The following INSR variants were observed in gnomAD, a reference collection of about 807,000 sequenced individuals.
INSR encodes insulin receptor.
INSR carries 67 observed loss-of-function variants against 142.6 expected under a neutral mutation model. The ratio of observed to expected loss-of-function variants is 0.47; its 90% confidence interval spans 0.39 to 0.58. INSR has a LOEUF of 0.58. Among genes scored for constraint, INSR ranks in the 20% least tolerant of loss-of-function variants. INSR has a pLI of 0.00. For missense variants in INSR, 1,248 were observed against 1,833.2 expected (o/e 0.68, Z 5.83); for synonymous variants, 756 against 743.1 (o/e 1.02, Z -0.28).
At position 7,269,376 on chromosome 19, in the gene INSR, AACACACACACACACACACACACACACAC is replaced by A. The variant is rs60776874; in HGVS notation, c.101-1508_101-1481del. Among the ~76,000 whole-genome samples, 381 of 134,784 alleles carry A rather than the reference AACACACACACACACACACACACACACAC, an allele frequency of 2.8e-3. 1 individual carries two copies. The highest frequency in any genetic ancestry group is 4.9e-3 in the Non-Finnish European group (309 of 63,262). 88.4% of individuals were successfully genotyped at this position (134,784 alleles called of 152,430 possible). On this transcript the variant is annotated intron_variant, in intron 1 of 21. Transcript: ENST00000302850. ...CAAATGGATTAGGCTAAGTCGAGAA[AACACACACACACACACACACACACACAC>A]ACACACACACACACACACACACTTG... is the stretch of plus-strand genomic sequence containing the variant.
chr19:7,198,732 T>C (rs1974864513), intron 2 of INSR, among the ~76,000 whole-genome samples: 1 of 152,194 alleles, frequency 6.6e-6, no homozygotes, highest in Non-Finnish European at 1.5e-5. Flanking sequence ...ACCATACTCA[T>C]AAATACATTC....
chr19:7,186,938 C>T (rs1308658471), intron 2 of INSR, among the ~76,000 whole-genome samples: 1 of 151,536 alleles, frequency 6.6e-6, no homozygotes, highest in Non-Finnish European at 1.5e-5. Flanking sequence ...CTCCTAACCT[C>T]GTGATCCTCC....
At chr19:7,213,341 C>CAAAAAA (rs11343255) in intron 2 of INSR, among the ~76,000 whole-genome samples, 32 of 100,492 alleles carry the variant, frequency 3.2e-4, no homozygotes, top group Non-Finnish European at 4.7e-4. Flanking sequence ...GACTCCATCT[C>CAAAAAA]AAAAAAAAAA....
chr19:7,136,121 C>T (rs948713784), intron 13 of INSR, among the ~76,000 whole-genome samples: 7 of 152,024 alleles, frequency 4.6e-5, no homozygotes, highest in Admixed American at 2.0e-4. Context: ...TTGCCACGCT[C>T]GTGGGCATGA....
intron 6 of INSR, among the ~76,000 whole-genome samples, chr19:7,169,859 A>G (rs983425384): frequency 1.3e-5 from 2 of 152,148 alleles, no homozygotes; most frequent in South Asian, 4.1e-4. Flanking sequence ...CATAGTGATA[A>G]TATTAATAAA....
intron 2 of INSR, among the ~76,000 whole-genome samples, chr19:7,250,094 G>A (rs1479810685): frequency 6.6e-6 from 1 of 151,912 alleles, no homozygotes; most frequent in Admixed American, 6.6e-5. Flanking sequence ...AGGAGTTCCA[G>A]ACTGCTGTTA....
chr19:7,263,930 G>A lies in INSR; in HGVS notation c.652+3415C>T, dbSNP rs150842118. 1.3e-3 allele frequency among the ~76,000 whole-genome samples: 191 copies of A among 152,296 alleles called. 5 individuals carry two copies. In the East Asian group the frequency reaches 0.034, roughly 28 times the overall value. On this transcript the variant is annotated intron_variant, in intron 2 of 21. Transcript: ENST00000302850. Reference sequence around the variant, plus strand: ...CACCCCTGTAATCCCAGCACTTTGGGAGGCCAAGGCGGGCAGATCACCTGA... The same window carrying A: ...CACCCCTGTAATCCCAGCACTTTGGAAGGCCAAGGCGGGCAGATCACCTGA...
intron 2 of INSR, among the ~76,000 whole-genome samples, chr19:7,187,999 T>G (rs182244589): frequency 3.3e-5 from 5 of 152,056 alleles, no homozygotes; most frequent in Admixed American, 2.0e-4. Flanking sequence ...GCTAAATTCT[T>G]CTCCCAGGCT....
chr19:7,120,017 C>T (rs747859692), intron 20 of INSR, among the ~76,000 whole-genome samples: 4 of 152,166 alleles, frequency 2.6e-5, no homozygotes, highest in Non-Finnish European at 5.9e-5. Flanking sequence ...TTTGGGGCTC[C>T]CAAATCACTA....
In INSR at chr19:7,216,039, C is replaced by T. The variant is rs912861006; in HGVS notation, c.653-31402G>A. ...GGAAAAGTGGCTAAGAAGATGGAAG[C>T]AGGCTGGGCACGGTGGCTCACGCCT... On this transcript the variant is annotated intron_variant, in intron 2 of 21. Transcript: ENST00000302850. The surrounding 1 kb of genome is among the most constrained non-coding windows in gnomAD (Gnocchi z 4.2). Among the ~76,000 whole-genome samples, 1 of 151,904 alleles carries T rather than the reference C, an allele frequency of 6.6e-6. No individual in the cohort carries two copies. Among genetic ancestry groups the T allele is most frequent in the Admixed American group, 6.6e-5 (1 of 15,244 alleles).
intron 10 of INSR, chr19:7,152,067 C>T (rs1178948686): frequency 6.6e-6 from 1 of 152,660 alleles, no homozygotes; most frequent in African/African-American, 2.4e-5. Context: ...GCTGGGACCA[C>T]AGGCTTACAC....
chr19:7,264,868 C>T (rs550100325), intron 2 of INSR, among the ~76,000 whole-genome samples: 7 of 152,208 alleles, frequency 4.6e-5, no homozygotes, highest in Non-Finnish European at 1.0e-4. Flanking sequence ...ATCCCACTCC[C>T]GATTTCCAAC....
chr19:7,151,160 TTC>T (rs377580247), intron 10 of INSR, among the ~76,000 whole-genome samples: 322 of 7,234 alleles, frequency 0.045, 6 homozygotes, highest in African/African-American at 0.052. Flanking sequence ...CTTTCTTTCT[TTC>T]TCTTTCTTTC....
chr19:7,121,757 G>A (rs139874983), intron 19 of INSR, among the ~76,000 whole-genome samples: 15 of 152,308 alleles, frequency 9.8e-5, no homozygotes, highest in Middle Eastern at 3.4e-3. Context: ...CGGGACCCCC[G>A]GTCCTACAAA....
chr19:7,221,378 A>AAGGAGGAGG (rs71177175), intron 2 of INSR, among the ~76,000 whole-genome samples: 1,565 of 140,140 alleles, frequency 0.011, 16 homozygotes, highest in Non-Finnish European at 0.015. Flanking sequence ...TGTCAAAAAA[A>AAGGAGGAGG]AGGAGGAGGA....
At chr19:7,139,969 A>G (rs994380540) in intron 13 of INSR, among the ~76,000 whole-genome samples, 6 of 151,888 alleles carry the variant, frequency 4.0e-5, no homozygotes, top group Non-Finnish European at 7.4e-5. Context: ...CTGGGATTAT[A>G]GGCGCCCACC....
At chr19:7,197,063 C>G (rs1387505883) in intron 2 of INSR, among the ~76,000 whole-genome samples, 2 of 152,158 alleles carry the variant, frequency 1.3e-5, no homozygotes, top group African/African-American at 4.8e-5. Flanking sequence ...GGCAAAGGGG[C>G]AGGGGTTGGG....
At chr19:7,135,511 T>C (rs1228186692) in intron 13 of INSR, among the ~76,000 whole-genome samples, 1 of 143,584 alleles carries the variant, frequency 7.0e-6, no homozygotes, top group Non-Finnish European at 1.5e-5. Flanking sequence ...AGACTCTGTT[T>C]GAAAAAAAAA....
intron 11 of INSR, among the ~76,000 whole-genome samples, chr19:7,149,046 G>A (rs576905525): frequency 6.6e-6 from 1 of 152,270 alleles, no homozygotes; most frequent in African/African-American, 2.4e-5. Context: ...TGCCCCGCCT[G>A]GGGTAGCTGC....
Sources: allele counts gnomAD v4.1 joint callset (sites outside exome capture counted in the v4.1 genomes callset), GRCh38; gene constraint gnomAD v4.1.1; non-coding constraint Gnocchi (gnomAD v3.1); transcripts MANE v1.5; gene names NCBI Gene and HGNC (gene_info 2026-07-23, HGNC 2026-07-21).